Variants in GPHN observed in about 807,000 individuals in gnomAD.
GPHN encodes the protein gephyrin.
GPHN carries 17 observed loss-of-function variants against 95.5 expected under a neutral mutation model. The ratio of observed to expected loss-of-function variants is 0.18; its 90% confidence interval spans 0.12 to 0.27. The LOEUF (loss-of-function observed/expected upper bound fraction) is 0.27, where lower values mean the gene tolerates loss of function less well. Ranked by LOEUF, GPHN falls within the 10% of genes least tolerant of loss-of-function variation. The probability of loss-of-function intolerance (pLI) is 1.00; values close to 1 mark genes in which losing one functional copy is unlikely to be tolerated. For synonymous variants in GPHN, 320 were observed against 322.5 expected (o/e 0.99, Z 0.08); for missense variants, 660 against 978.1 (o/e 0.67, Z 4.34).
chr14:66,760,703 G>A, intron 2 of GPHN: 1 of 450,372 alleles, frequency 2.2e-6, no homozygotes, highest in Non-Finnish European at 4.2e-6. Context: ...ATTCCATAAA[G>A]CAGCTGGCAA....
the GPHN span, among the ~76,000 whole-genome samples, chr14:67,517,307 T>C: frequency 6.6e-6 from 1 of 152,322 alleles, no homozygotes. Flanking sequence ...GGAGGCAGCA[T>C]TGCGCAGAGG....
chr14:67,621,529 C>T, the GPHN span, among the ~76,000 whole-genome samples: 1 of 151,474 alleles, frequency 6.6e-6, no homozygotes, highest in Non-Finnish European at 1.5e-5. Context: ...AATATTGGCT[C>T]ATTGCAACCT....
At position 66,541,741 on chromosome 14, in the gene GPHN, A is replaced by G. The variant is rs1438841884; in HGVS notation, c.64+33150A>G. Among the ~76,000 whole-genome samples, 7 of 152,204 alleles carry G rather than the reference A, an allele frequency of 4.6e-5. No homozygotes were observed. In the East Asian group the frequency reaches 1.3e-3, roughly 29 times the overall value. ...TACACGAGGCCTGGTAAAATAGTTTAACTTTTAGTTTTGCATTAGGTTCAT... is the reference window on the plus strand; with the variant it reads ...TACACGAGGCCTGGTAAAATAGTTTGACTTTTAGTTTTGCATTAGGTTCAT... On this transcript the variant is annotated intron_variant, in intron 1 of 22. Transcript: ENST00000478722.
intron 2 of GPHN, among the ~76,000 whole-genome samples, chr14:66,755,380 A>G (rs2058521845): frequency 6.6e-6 from 1 of 152,034 alleles, no homozygotes; most frequent in African/African-American, 2.4e-5. Context: ...GCTCTGGGAA[A>G]TTTTTCAAGT....
intron 9 of GPHN, among the ~76,000 whole-genome samples, chr14:66,970,891 G>A (rs956111701): frequency 6.6e-6 from 1 of 152,160 alleles, no homozygotes; most frequent in Admixed American, 6.5e-5. Context: ...CATCTGGGGG[G>A]TGTTGAGCAA....
chr14:67,645,472 GATTA>G, the GPHN span, among the ~76,000 whole-genome samples: 1 of 152,158 alleles, frequency 6.6e-6, no homozygotes, highest in Admixed American at 6.5e-5. Flanking sequence ...TATCACTCAA[GATTA>G]ATTTTTGAGA....
chr14:66,699,035 A>T (rs1281446836), intron 2 of GPHN, among the ~76,000 whole-genome samples: 2 of 152,204 alleles, frequency 1.3e-5, no homozygotes, highest in Non-Finnish European at 2.9e-5. Flanking sequence ...TAGTCAATGT[A>T]ACTCTTCAAG....
intron 11 of GPHN, among the ~76,000 whole-genome samples, chr14:67,065,699 CTT>C (rs1293063901): frequency 6.7e-6 from 1 of 149,144 alleles, no homozygotes; most frequent in African/African-American, 2.5e-5. Context: ...TTCTTTGTCT[CTT>C]TTGATCTTTG....
intron 10 of GPHN, among the ~76,000 whole-genome samples, chr14:67,032,688 A>G (rs192827627): frequency 1.3e-5 from 2 of 152,312 alleles, no homozygotes; most frequent in Admixed American, 6.5e-5. Flanking sequence ...GGGAAATTAC[A>G]TACACAGACC....
chr14:67,238,894 T>C, the GPHN span, among the ~76,000 whole-genome samples: 1 of 152,140 alleles, frequency 6.6e-6, no homozygotes, highest in South Asian at 2.1e-4. Context: ...CCATACACCT[T>C]GGCATCCCAA....
intron 2 of GPHN, among the ~76,000 whole-genome samples, chr14:66,715,301 T>G (rs2070068411): frequency 6.6e-6 from 1 of 152,176 alleles, no homozygotes; most frequent in Non-Finnish European, 1.5e-5. Context: ...ATCTTTTATA[T>G]TTCTGTGGTG....
chr14:67,118,199 G>A (rs1467771060), intron 16 of GPHN, among the ~76,000 whole-genome samples: 3 of 152,098 alleles, frequency 2.0e-5, no homozygotes. Flanking sequence ...CATACCCAAG[G>A]GAAAATTAGT....
chr14:66,581,651 CA>C (rs2061176296), intron 1 of GPHN, among the ~76,000 whole-genome samples: 2 of 151,962 alleles, frequency 1.3e-5, no homozygotes, highest in African/African-American at 4.8e-5. Context: ...ATAAGAGAAT[CA>C]CTCTCACCTT....
the GPHN span, among the ~76,000 whole-genome samples, chr14:67,220,457 A>T: frequency 7.3e-5 from 11 of 151,680 alleles, no homozygotes; most frequent in African/African-American, 2.7e-4. Context: ...AAAAAAAAAA[A>T]GGTAAATGAT....
intron 1 of GPHN, among the ~76,000 whole-genome samples, chr14:66,607,672 A>C (rs1375249974): frequency 2.6e-5 from 4 of 151,826 alleles, no homozygotes; most frequent in African/African-American, 9.7e-5. Flanking sequence ...ACTGACTCAA[A>C]TTTGGAACTT....
chr14:66,700,192 T>G (rs992114018), intron 2 of GPHN, among the ~76,000 whole-genome samples: 38 of 152,264 alleles, frequency 2.5e-4, no homozygotes, highest in African/African-American at 8.9e-4. Context: ...ATCAGTAAAA[T>G]GGACAACTGC....
In GPHN at chr14:66,796,373, C is replaced by T. The variant is rs1330372550; in HGVS notation, c.201+19852C>T. Among the ~76,000 whole-genome samples, 3 of 151,834 alleles carry T rather than the reference C, an allele frequency of 2.0e-5. No homozygotes were observed. In the East Asian group the frequency reaches 5.8e-4, roughly 29 times the overall value. ...TATGCTAATGCTACAACTAATGCTGCAGTAGGATTTCTGGAACATATGCCA... is the reference window on the plus strand; with the variant it reads ...TATGCTAATGCTACAACTAATGCTGTAGTAGGATTTCTGGAACATATGCCA... On this transcript the variant is annotated intron_variant, in intron 3 of 22. Coordinates refer to ENST00000478722, the MANE Select transcript of GPHN (RefSeq NM_020806.5).
At chr14:67,336,083 G>A in the GPHN span, 1 of 152,268 alleles carries the variant, frequency 6.6e-6, no homozygotes, top group Non-Finnish European at 1.5e-5. Context: ...AAAGTTTTCT[G>A]GAGAAGGAGG....
the GPHN span, among the ~76,000 whole-genome samples, chr14:67,323,261 G>GTGTGTGTGTGTGTGTGTGTA: frequency 3.2e-5 from 4 of 124,140 alleles, no homozygotes; most frequent in African/African-American, 1.1e-4. Context: ...GTGTGTGTGT[G>GTGTGTGTGTGTGTGTGTGTA]TATATATATA....
Sources: gnomAD v4.1 joint callset for allele counts (sites outside exome capture counted in the v4.1 genomes callset) on GRCh38, gnomAD v4.1.1 for gene constraint, MANE v1.5 for transcripts, NCBI Gene and HGNC (gene_info 2026-07-23, HGNC 2026-07-21) for gene names.